The following ANAPC5 variants were observed in gnomAD, a reference collection of about 807,000 sequenced individuals.
ANAPC5 encodes anaphase promoting complex subunit 5, also known as anaphase-promoting complex subunit 5.
Under a neutral mutation model 91.3 loss-of-function variants are expected in ANAPC5, and 60 were observed. The observed-to-expected ratio is 0.66, with a 90% CI of 0.53 to 0.81. ANAPC5 has a LOEUF of 0.81. ANAPC5 is among the 40% of genes least tolerant of loss of function. The pLI is 0.00. For synonymous variants in ANAPC5, 340 were observed against 364.1 expected, an observed-to-expected ratio of 0.93 and a Z score of 0.75; for missense variants, 690 against 931.5, an observed-to-expected ratio of 0.74 and a Z score of 3.37.
intron 2 of ANAPC5, 108 bp downstream of exon 2, chr12:121,347,694 C>G (rs1021477977): frequency 1.1e-5 from 9 of 832,672 alleles, no homozygotes; most frequent in Middle Eastern, 5.1e-4. Flanking sequence ...GGAAAACAAC[C>G]TAGGGTAATA....
chr12:121,309,768 G>A lies in ANAPC5; in HGVS notation c.1989C>T (p.Ala663=), dbSNP rs1902083305. ...CCTGGCACTTGGCCACTAAGAACAT[G>A]GCACGACCTTTGTCCAGGATAGCCC... ...ADGAILDKGR[A]MFLVAKCQVA... The change falls in exon 16 of 17, where the codon GCC becomes GCT. Residue 663 remains alanine (A), a synonymous_variant. Coordinates refer to ENST00000261819, the MANE Select transcript of ANAPC5 (RefSeq NM_016237.5). 2.5e-6 allele frequency: 4 copies of A among 1,614,168 alleles called. No homozygotes were observed. The East Asian group carries it at 8.9e-5, about 36-fold the overall frequency.
intron 9 of ANAPC5, among the ~76,000 whole-genome samples, chr12:121,330,367 C>G (rs781985504): frequency 6.6e-6 from 1 of 152,176 alleles, no homozygotes; most frequent in Non-Finnish European, 1.5e-5. Flanking sequence ...AAGGGAATTT[C>G]CACAGATGTT....
rs1166532625 is a variant in ANAPC5 at position 121,347,091 on chromosome 12, T to C, written c.288-86A>G. 9.2e-6 allele frequency: 7 copies of C among 758,640 alleles called. No individual in the cohort carries two copies. In the African/African-American group the frequency reaches 1.1e-4, roughly 12 times the overall value. The allele number at this position is 758,640 out of a possible 1,614,324, so 47.0% of individuals were successfully genotyped here. On this transcript the variant is annotated intron_variant, in intron 2 of 16. Transcript: ENST00000261819. Reference sequence around the variant, plus strand: ...CATATTCCTCAATTACCTCAAATAATGTATTTTACAGGCAATTCAGAGATT... The same window carrying C: ...CATATTCCTCAATTACCTCAAATAACGTATTTTACAGGCAATTCAGAGATT...
chr12:121,352,065 G>A, intron 1 of ANAPC5, 69 bp downstream of exon 1: 1 of 1,428,314 alleles, frequency 7.0e-7, no homozygotes, highest in Non-Finnish European at 9.4e-7. Flanking sequence ...CCCAAGCCCA[G>A]GGTTCCGCAC....
chr12:121,327,279 T>C, intron 10 of ANAPC5, 48 bp from the exon 11 acceptor site: 1 of 1,603,160 alleles, frequency 6.2e-7, no homozygotes, highest in Non-Finnish European at 8.5e-7. Context: ...CAGACCTGGC[T>C]GCGCTTTGGC....
At chr12:121,351,834 C>A (rs900155226) in intron 1 of ANAPC5, among the ~76,000 whole-genome samples, 2 of 151,922 alleles carry the variant, frequency 1.3e-5, no homozygotes, top group Admixed American at 1.3e-4. Context: ...GTGTCTCCAA[C>A]GCTCTATTGT....
chr12:121,318,033 A>C, intron 15 of ANAPC5: 1 of 341,496 alleles, frequency 2.9e-6, no homozygotes, highest in Non-Finnish European at 5.2e-6. Flanking sequence ...TTCTCACTGA[A>C]GAGGCGAGTC....
At chr12:121,318,149 G>T (rs1902445197) in intron 15 of ANAPC5, 128 bp downstream of exon 15, 3 of 1,173,844 alleles carry the variant, frequency 2.6e-6, no homozygotes, top group Non-Finnish European at 3.3e-6. Flanking sequence ...TGCACAGGAA[G>T]ACTACCTTTC....
At chr12:121,348,566 G>A (rs1457945493) in intron 1 of ANAPC5, among the ~76,000 whole-genome samples, 3 of 152,172 alleles carry the variant, frequency 2.0e-5, no homozygotes, top group Non-Finnish European at 4.4e-5. Context: ...TTGGGAGGCT[G>A]AGGCGGGAGA....
At chr12:121,338,721 C>T (rs782576841) in intron 5 of ANAPC5, among the ~76,000 whole-genome samples, 119 of 151,902 alleles carry the variant, frequency 7.8e-4, no homozygotes, top group African/African-American at 2.5e-3. Context: ...CCAGAAATAA[C>T]GCTATTAATA....
At chr12:121,336,655 G>A (rs2136798169) in intron 6 of ANAPC5, among the ~76,000 whole-genome samples, 1 of 152,264 alleles carries the variant, frequency 6.6e-6, no homozygotes, top group African/African-American at 2.4e-5. Flanking sequence ...ACGCCAGCCT[G>A]GGCAACAAGA....
chr12:121,336,743 T>G (rs1903252070), intron 6 of ANAPC5, among the ~76,000 whole-genome samples: 1 of 152,102 alleles, frequency 6.6e-6, no homozygotes, highest in African/African-American at 2.4e-5. Context: ...AGTCCAAACT[T>G]TACAACATCA....
intron 1 of ANAPC5, among the ~76,000 whole-genome samples, chr12:121,348,356 C>T (rs1232053506): frequency 2.0e-5 from 3 of 152,176 alleles, no homozygotes; most frequent in Admixed American, 2.0e-4. Flanking sequence ...ATACTATGTG[C>T]TGAAGTCTAT....
chr12:121,335,604 T>G lies in ANAPC5; in HGVS notation c.879A>C (p.Glu293Asp), dbSNP rs1903202910. 1 of 1,614,032 alleles carries G rather than the reference T, an allele frequency of 6.2e-7. No homozygotes were observed. Among genetic ancestry groups the G allele is most frequent in the East Asian group, 2.2e-5 (1 of 44,892 alleles). The change falls in exon 7 of 17, where the codon GAA becomes GAC. Residue 293 changes from glutamate to aspartate, a missense_variant. This residue lies in a region of ANAPC5 where 83 missense variants were observed against 150.8 expected (regional missense o/e 0.55). Coordinates refer to ENST00000261819, the MANE Select transcript of ANAPC5 (RefSeq NM_016237.5). Reference protein sequence around the residue: ...LTGAESKSNGEEGYGRSLRYA... With the variant: ...LTGAESKSNGDEGYGRSLRYA... Reference sequence around the variant, plus strand: ...ATCTCAAGCTCCGGCCATAGCCCTCTTCCCCATTACTTTTGCTTTCGGCTC... The same window carrying G: ...ATCTCAAGCTCCGGCCATAGCCCTCGTCCCCATTACTTTTGCTTTCGGCTC...
At chr12:121,352,434 T>C (rs1206281493), upstream of ANAPC5, 19 of 1,010,504 alleles carry the variant, frequency 1.9e-5, no homozygotes, top group East Asian at 3.7e-4. Context: ...CCGCCCGCCC[T>C]CACAATATCC....
intron 6 of ANAPC5, among the ~76,000 whole-genome samples, chr12:121,336,666 G>T (rs540740267): frequency 3.8e-4 from 58 of 152,208 alleles, no homozygotes; most frequent in Admixed American, 1.8e-3. Context: ...GGCAACAAGA[G>T]CGAAACTCAG....
intron 15 of ANAPC5, chr12:121,317,949 T>G (rs977034882): frequency 1.1e-4 from 22 of 197,332 alleles, no homozygotes; most frequent in Non-Finnish European, 2.0e-4. Context: ...TGTTCCTCAT[T>G]TCTTTATTCA....
chr12:121,339,046 T>A (rs1555273799), intron 5 of ANAPC5, among the ~76,000 whole-genome samples: 1 of 147,502 alleles, frequency 6.8e-6, no homozygotes, highest in Non-Finnish European at 1.5e-5. Flanking sequence ...CAAATATGAC[T>A]TTTTTTTCTT....
intron 2 of ANAPC5, chr12:121,347,364 T>TC: frequency 3.7e-6 from 1 of 271,542 alleles, no homozygotes; most frequent in Non-Finnish European, 7.0e-6. Flanking sequence ...GTGCGGTTGC[T>TC]CACACTTGTA....
Sources: allele counts gnomAD v4.1 joint callset (sites outside exome capture counted in the v4.1 genomes callset), GRCh38; gene constraint gnomAD v4.1.1; regional missense constraint gnomAD v4.1.1; transcripts MANE v1.5; gene names NCBI Gene and HGNC (gene_info 2026-07-23, HGNC 2026-07-21).